Variants in PHF10 observed in about 807,000 individuals in gnomAD.
PHF10 encodes the protein BRG1-associated factor 45a.
In PHF10, 51 loss-of-function variants were observed where a neutral mutation model predicts 68.5. That is an observed-to-expected ratio of 0.74 (90% CI 0.59 to 0.94). PHF10 has a LOEUF of 0.94. Among genes scored for constraint, PHF10 ranks in the 40% least tolerant of loss-of-function variants. The pLI, the probability that PHF10 is intolerant of heterozygous loss-of-function variation, is 0.00. For missense variants in PHF10, 460 were observed against 602.6 expected (o/e 0.76, Z 2.48); for synonymous variants, 204 against 203.5 (o/e 1.00, Z -0.02).
At chr6:169,721,668 G>A (rs1352900883) in intron 1 of PHF10, among the ~76,000 whole-genome samples, 1 of 149,912 alleles carries the variant, frequency 6.7e-6, no homozygotes, top group African/African-American at 2.5e-5. Context: ...TTGAGAGGGG[G>A]AGGGGAATTT....
intron 3 of PHF10, 41 bp from the exon 4 acceptor site, chr6:169,717,947 C>A: frequency 2.2e-6 from 2 of 911,330 alleles, no homozygotes; most frequent in South Asian, 3.5e-5. Context: ...AACAGCAAAA[C>A]CTTATGCACT....
chr6:169,718,269 A>G (rs1434950455), intron 3 of PHF10, among the ~76,000 whole-genome samples: 2 of 152,204 alleles, frequency 1.3e-5, no homozygotes, highest in African/African-American at 4.8e-5. Context: ...TTTTTTCTAA[A>G]ATTTTCCTCA....
At chr6:169,708,540 A>G (rs1788858393) in intron 9 of PHF10, 1 of 152,152 alleles carries the variant, frequency 6.6e-6, no homozygotes. Flanking sequence ...TGATGACTAG[A>G]TACTGGTTGT....
At chr6:169,719,017 T>C in intron 2 of PHF10, 99 bp from the exon 3 acceptor site, 3 of 789,194 alleles carry the variant, frequency 3.8e-6, no homozygotes, top group Non-Finnish European at 6.0e-6. Flanking sequence ...AGTATTTAAA[T>C]TATTTGCCTC....
At position 169,714,855 on chromosome 6, in the gene PHF10, A is replaced by G. The variant is rs1297019534; in HGVS notation, c.694-13T>C. The G allele has an allele frequency of 1.3e-5, 16 of 1,244,892 alleles. No homozygotes were observed. Among genetic ancestry groups the G allele is most frequent in the East Asian group, 4.6e-5 (2 of 43,204 alleles). The allele number at this position is 1,244,892 out of a possible 1,614,324, so 77.1% of individuals were successfully genotyped here. On this transcript the variant is annotated splice_polypyrimidine_tract_variant and intron_variant, in intron 6 of 11. Coordinates refer to ENST00000339209, the MANE Select transcript of PHF10 (RefSeq NM_018288.4). The stretch of plus-strand genomic sequence containing the variant: ...GTACCTGGATAACCTACGTTAACAT[A>G]AAGAGAAACACAAAACTGATTCCAT...
At chr6:169,708,420 T>C (rs942867869) in intron 9 of PHF10, 4 of 152,142 alleles carry the variant, frequency 2.6e-5, no homozygotes, top group Non-Finnish European at 4.4e-5. Flanking sequence ...ACTTTTTATA[T>C]ATAAACTATG....
At chr6:169,712,882 C>G (rs558412929) in intron 7 of PHF10, among the ~76,000 whole-genome samples, 1 of 152,294 alleles carries the variant, frequency 6.6e-6, no homozygotes, top group East Asian at 1.9e-4. Context: ...GTCTTTGCTA[C>G]TTCTCTGTGC....
intron 11 of PHF10, chr6:169,704,629 A>C (rs1380374681): frequency 1.2e-5 from 2 of 169,218 alleles, no homozygotes; most frequent in Non-Finnish European, 2.9e-5. Flanking sequence ...ATTTTATAAG[A>C]GTATTATACA....
chr6:169,705,035 C>G, intron 11 of PHF10, 98 bp downstream of exon 11: 2 of 854,158 alleles, frequency 2.3e-6, no homozygotes, highest in Admixed American at 5.4e-5. Context: ...TAAGAGTCCA[C>G]AAGCTCTTCA....
intron 4 of PHF10, among the ~76,000 whole-genome samples, chr6:169,716,356 T>C (rs560497921): frequency 6.6e-6 from 1 of 152,222 alleles, no homozygotes; most frequent in Non-Finnish European, 1.5e-5. Flanking sequence ...GCTTTGAACA[T>C]ATATCCCTTT....
intron 6 of PHF10, 69 bp downstream of exon 6, chr6:169,715,639 G>T: frequency 8.1e-7 from 1 of 1,239,922 alleles, no homozygotes; most frequent in Non-Finnish European, 1.2e-6. Context: ...CGATAAAGGG[G>T]GTGATGGGCA....
In PHF10 at chr6:169,716,063, T is replaced by G; in HGVS notation, c.435A>C (p.Glu145Asp). Residue 145 changes from glutamate (E) to aspartate (D), a missense_variant, in exon 5 of 12, where the codon GAA becomes GAC. Glu to Asp is a conservative substitution (Grantham distance 45). Transcript: ENST00000339209. ...TLGLTALRSD[E>D]VIDLMIKEYP... ...ATTCTTTTATCATTAAATCAATCAC[T>G]TCATCACTGCGCAATGCTGTTAAGC... 1 of 1,606,568 alleles carries G rather than the reference T, an allele frequency of 6.2e-7. No individual in the cohort carries two copies. The highest frequency in any genetic ancestry group is 8.5e-7 in the Non-Finnish European group (1 of 1,176,112).
intron 3 of PHF10, among the ~76,000 whole-genome samples, chr6:169,718,186 C>T (rs775021108): frequency 6.6e-6 from 1 of 152,118 alleles, no homozygotes; most frequent in Non-Finnish European, 1.5e-5. Flanking sequence ...AATTCAGATA[C>T]GGCTCATATA....
In PHF10 at chr6:169,712,485, G is replaced by T. The variant is rs1442464333; in HGVS notation, c.858C>A (p.Pro286=). ...YLPLNTALYE[P]PLDPELPALD... ...GAGCAGGGAGCTCAGGATCCAGAGG[G>T]GGCTCATACAGGGCTGTGTTTAATG... The change falls in exon 8 of 12, where the codon CCC becomes CCA. Residue 286 remains proline, a synonymous_variant. Coordinates refer to ENST00000339209, the MANE Select transcript of PHF10 (RefSeq NM_018288.4). 2 of 1,613,680 alleles carry T rather than the reference G, an allele frequency of 1.2e-6. No homozygotes were observed. Among genetic ancestry groups the T allele is most frequent in the Non-Finnish European group, 1.7e-6 (2 of 1,179,622 alleles).
chr6:169,714,854 T>A lies in PHF10; in HGVS notation c.694-12A>T. ...GGTACCTGGATAACCTACGTTAACATAAAGAGAAACACAAAACTGATTCCA... is the reference window on the plus strand; with the variant it reads ...GGTACCTGGATAACCTACGTTAACAAAAAGAGAAACACAAAACTGATTCCA... On this transcript the variant is annotated splice_polypyrimidine_tract_variant and intron_variant, in intron 6 of 11. Transcript: ENST00000339209. 1.5e-6 allele frequency: 2 copies of A among 1,310,876 alleles called. No homozygotes were observed. Among genetic ancestry groups the A allele is most frequent in the South Asian group, 2.4e-5 (2 of 84,930 alleles). The allele number at this position is 1,310,876 out of a possible 1,614,324, so 81.2% of individuals were successfully genotyped here. A position where few individuals can be genotyped will look rare whatever the true frequency, so the allele number is the denominator to read the frequency against.
At chr6:169,714,912 A>G in intron 6 of PHF10, 70 bp from the exon 7 acceptor site, 1 of 843,236 alleles carries the variant, frequency 1.2e-6, no homozygotes. Context: ...AAGAGTCCCC[A>G]CGTGCTCACC....
intron 10 of PHF10, 74 bp downstream of exon 10, chr6:169,705,542 T>C (rs1279132808): frequency 4.4e-6 from 4 of 906,592 alleles, no homozygotes; most frequent in Non-Finnish European, 5.5e-6. Context: ...GAAATCTGCC[T>C]GAAACTATAA....
chr6:169,716,969 A>G (rs1789062695), intron 4 of PHF10, among the ~76,000 whole-genome samples: 1 of 152,196 alleles, frequency 6.6e-6, no homozygotes, highest in African/African-American at 2.4e-5. Context: ...ATTATTAGAC[A>G]AGGGCTGGGC....
Position 169,724,257 on chromosome 6 carries a change from G to A in PHF10, c.-326C>T, listed in dbSNP as rs1789268760. On this transcript the variant is annotated 5_prime_UTR_variant, in exon 1 of 12. Transcript: ENST00000339209. The stretch of plus-strand genomic sequence containing the variant: ...ACGTCAGCCCAACCCGCCCGGCCGC[G>A]GCCACCGCCTCAGCACCGTTGCCCC... Among the ~76,000 whole-genome samples, 1 of 144,036 alleles carries A rather than the reference G, an allele frequency of 6.9e-6. No individual in the cohort carries two copies. Among genetic ancestry groups the A allele is most frequent in the Non-Finnish European group, 1.5e-5 (1 of 65,374 alleles). The allele number at this position is 144,036 out of a possible 152,430, so 94.5% of individuals were successfully genotyped here. A position where few individuals can be genotyped will look rare whatever the true frequency, so the allele number is the denominator to read the frequency against.
Sources: gnomAD v4.1 joint callset for allele counts (sites outside exome capture counted in the v4.1 genomes callset) on GRCh38, gnomAD v4.1.1 for gene constraint, MANE v1.5 for transcripts, NCBI Gene and HGNC (gene_info 2026-07-23, HGNC 2026-07-21) for gene names.